The following NFE2L2 variants were observed in gnomAD, a reference collection of about 807,000 sequenced individuals.
NFE2L2 encodes the protein NFE2 like bZIP transcription factor 2, also known as nuclear factor erythroid 2-related factor 2.
NFE2L2 carries 20 observed loss-of-function variants against 49.6 expected under a neutral mutation model. That is an observed-to-expected ratio of 0.40 (90% CI 0.28 to 0.59). The LOEUF (loss-of-function observed/expected upper bound fraction) is 0.59. Among genes scored for constraint, NFE2L2 ranks in the 20% least tolerant of loss-of-function variants. The pLI, the probability that NFE2L2 is intolerant of heterozygous loss-of-function variation, is 0.40. For synonymous variants in NFE2L2, 244 were observed against 256.5 expected (o/e 0.95, Z 0.47); for missense variants, 578 against 714.2 (o/e 0.81, Z 2.17).
intron 1 of NFE2L2, among the ~76,000 whole-genome samples, chr2:177,244,868 G>A (rs1690069383): frequency 1.3e-5 from 2 of 151,888 alleles, no homozygotes; most frequent in Admixed American, 6.6e-5. Context: ...GCTGGGCGTG[G>A]TGGTGGGCGC....
intron 1 of NFE2L2, among the ~76,000 whole-genome samples, chr2:177,251,075 G>A (rs1444725196): frequency 6.6e-6 from 1 of 152,174 alleles, no homozygotes; most frequent in Admixed American, 6.5e-5. Flanking sequence ...TAAAAGAATA[G>A]AAGATGAGGC....
intron 1 of NFE2L2, among the ~76,000 whole-genome samples, chr2:177,264,093 G>A (rs1477511146): frequency 6.6e-6 from 1 of 152,054 alleles, no homozygotes; most frequent in Admixed American, 6.5e-5. Flanking sequence ...CATTTTTGCC[G>A]GCACCGAGGC....
chr2:177,242,846 A>G (rs1054756475), intron 1 of NFE2L2, among the ~76,000 whole-genome samples: 5 of 151,812 alleles, frequency 3.3e-5, no homozygotes, highest in Admixed American at 6.6e-5. Flanking sequence ...CAAAAAGCAC[A>G]TGGTACTGAA....
chr2:177,261,611 C>T (rs1029462255), intron 1 of NFE2L2, among the ~76,000 whole-genome samples: 1 of 152,186 alleles, frequency 6.6e-6, no homozygotes. Context: ...CTTTCCTAAC[C>T]TAATGCCTGA....
At chr2:177,243,705 A>G (rs566286683) in intron 1 of NFE2L2, among the ~76,000 whole-genome samples, 32 of 152,166 alleles carry the variant, frequency 2.1e-4, no homozygotes, top group African/African-American at 7.5e-4. Context: ...GGTTCTTGCT[A>G]TGTTACTCAT....
At chr2:177,243,850 G>A (rs1229812296) in intron 1 of NFE2L2, among the ~76,000 whole-genome samples, 2 of 152,126 alleles carry the variant, frequency 1.3e-5, no homozygotes, top group Non-Finnish European at 1.5e-5. Context: ...GTAATAATAA[G>A]TCAGTATAGT....
rs758041891 is a variant in NFE2L2, at chr2:177,231,304, A to G, written c.1299T>C (p.Ser433=). ...ENTPEKELPV[S]PGHRKTPFTK... ...TGAATGGGGTTTTCCGATGACCAGG[A>G]CTTACAGGCAATTCTTTCTCTGGTG... is the stretch of plus-strand genomic sequence containing the variant. The change falls in exon 5 of 5, where the codon AGT becomes AGC. Residue 433 remains serine, a synonymous_variant. Transcript: ENST00000397062. 6.2e-7 allele frequency: 1 copy of G among 1,614,214 alleles called. No individual in the cohort carries two copies. The highest frequency in any genetic ancestry group is 8.5e-7 in the Non-Finnish European group (1 of 1,180,036).
Position 177,263,435 on chromosome 2 carries a change from A to T in NFE2L2, c.45+1097T>A, listed in dbSNP as rs1401687172. 5 of 985,406 alleles carry T rather than the reference A, an allele frequency of 5.1e-6. No homozygotes were observed. The South Asian group carries it at 2.3e-4, about 46-fold the overall frequency. 61.0% of individuals were successfully genotyped at this position (985,406 alleles called of 1,614,324 possible). ...AGCACAGAAGAGAATATCCCGTCTT[A>T]CACATTTTGGAATTGCAATTCTGAA... On this transcript the variant is annotated intron_variant, in intron 1 of 4. Transcript: ENST00000397062.
Position 177,230,508 on chromosome 2 carries a change from A to G in NFE2L2, c.*277T>C, listed in dbSNP as rs1219600401. On this transcript the variant is annotated 3_prime_UTR_variant, in exon 5 of 5. Coordinates refer to ENST00000397062, the MANE Select transcript of NFE2L2 (RefSeq NM_006164.5). Reference sequence around the variant, plus strand: ...TAAATCTATGAATATAACAAATGACATAAGAACAGTATAAATAAGTTTTTG... The same window carrying G: ...TAAATCTATGAATATAACAAATGACGTAAGAACAGTATAAATAAGTTTTTG... 9 of 330,918 alleles carry G rather than the reference A, an allele frequency of 2.7e-5. No homozygotes were observed. Among genetic ancestry groups the G allele is most frequent in the Admixed American group, 9.1e-5 (2 of 22,082 alleles). The allele number at this position is 330,918 out of a possible 1,614,324, so 20.5% of individuals were successfully genotyped here. A position where few individuals can be genotyped will look rare whatever the true frequency, so the allele number is the denominator to read the frequency against.
chr2:177,258,382 T>C (rs1281905074), intron 1 of NFE2L2, among the ~76,000 whole-genome samples: 1 of 151,978 alleles, frequency 6.6e-6, no homozygotes, highest in African/African-American at 2.4e-5. Context: ...ACATGATATG[T>C]CCAGAATAGG....
At chr2:177,233,146 T>C in intron 3 of NFE2L2, 104 bp downstream of exon 3, 4 of 990,316 alleles carry the variant, frequency 4.0e-6, no homozygotes, top group Non-Finnish European at 5.9e-6. Context: ...AAAATGTTTT[T>C]ATTCTTTTAA....
At position 177,232,518 on chromosome 2, in the gene NFE2L2, G is replaced by C. The variant is rs1689590580; in HGVS notation, c.468C>G (p.Phe156Leu). Reference sequence around the variant, plus strand: ...GTGACTGAGCCTGATTAGTAGCAATGAAGACTGGGCTCTCGATGTGACCGG... The same window carrying C: ...GTGACTGAGCCTGATTAGTAGCAATCAAGACTGGGCTCTCGATGTGACCGG... ...DIPGHIESPV[F>L]IATNQAQSPE... is the part of the protein sequence containing the mutation. The change falls in exon 4 of 5, where the codon TTC (phenylalanine) becomes TTG (leucine). Residue 156 changes from phenylalanine to leucine, a missense_variant. Around this residue, in one of 3 missense-constraint regions of NFE2L2, gnomAD observed 368 missense variants for 384.6 expected, o/e 0.96. Transcript: ENST00000397062. 6.2e-7 allele frequency: 1 copy of C among 1,614,118 alleles called. No homozygotes were observed. The highest frequency in any genetic ancestry group is 1.3e-5 in the African/African-American group (1 of 75,032).
intron 1 of NFE2L2, among the ~76,000 whole-genome samples, chr2:177,249,492 C>T (rs1359470989): frequency 6.6e-6 from 1 of 152,084 alleles, no homozygotes; most frequent in Non-Finnish European, 1.5e-5. Context: ...TCTATGAAGT[C>T]CATAAGTCTG....
chr2:177,260,181 A>G (rs2105495822), intron 1 of NFE2L2, among the ~76,000 whole-genome samples: 1 of 152,218 alleles, frequency 6.6e-6, no homozygotes, highest in East Asian at 1.9e-4. Flanking sequence ...TTTGTGGCAA[A>G]CTTATAATGA....
intron 1 of NFE2L2, among the ~76,000 whole-genome samples, chr2:177,248,820 G>A (rs1228865267): frequency 6.6e-6 from 1 of 152,110 alleles, no homozygotes; most frequent in East Asian, 1.9e-4. Flanking sequence ...ATAGGAATAA[G>A]AGCCTCCCAG....
intron 1 of NFE2L2, chr2:177,263,318 T>G: frequency 2.1e-6 from 2 of 962,194 alleles, no homozygotes; most frequent in Non-Finnish European, 2.5e-6. Context: ...TATAAAGTAC[T>G]CAGGGGAGAA....
At chr2:177,245,613 G>C (rs1690095396) in intron 1 of NFE2L2, among the ~76,000 whole-genome samples, 1 of 151,052 alleles carries the variant, frequency 6.6e-6, no homozygotes, top group African/African-American at 2.4e-5. Context: ...AGGTATTGTA[G>C]TCTTTTTTTT....
At chr2:177,257,509 G>C (rs186455300) in intron 1 of NFE2L2, among the ~76,000 whole-genome samples, 12 of 152,340 alleles carry the variant, frequency 7.9e-5, no homozygotes, top group Admixed American at 7.8e-4. Context: ...GGTGTTAACT[G>C]TAAGGCTGTG....
intron 1 of NFE2L2, among the ~76,000 whole-genome samples, chr2:177,260,624 T>C (rs1690698127): frequency 6.6e-6 from 1 of 152,164 alleles, no homozygotes; most frequent in Non-Finnish European, 1.5e-5. Flanking sequence ...CCCATTCTGC[T>C]CTCTTTCCTT....
Sources: allele counts gnomAD v4.1 joint callset (sites outside exome capture counted in the v4.1 genomes callset), GRCh38; gene constraint gnomAD v4.1.1; regional missense constraint gnomAD v4.1.1; transcripts MANE v1.5; gene names NCBI Gene and HGNC (gene_info 2026-07-23, HGNC 2026-07-21).